THRB: variants seen among roughly 807,000 people sequenced by gnomAD.
THRB encodes the protein nuclear receptor subfamily 1 group A member 2.
A neutral mutation model predicts 47.8 loss-of-function variants in THRB; 12 were observed. The observed-to-expected ratio is 0.25, with a 90% CI of 0.16 to 0.41. THRB has a LOEUF of 0.41. Ranked by LOEUF, THRB falls within the 10% of genes least tolerant of loss-of-function variation. THRB has a pLI of 1.00. For synonymous variants in THRB, 218 were observed against 212.2 expected (o/e 1.03, Z -0.24); for missense variants, 348 against 589.2 (o/e 0.59, Z 4.24).
At chr3:24,275,321 A>G (rs1255253303) in intron 3 of THRB, among the ~76,000 whole-genome samples, 1 of 152,246 alleles carries the variant, frequency 6.6e-6, no homozygotes, top group African/African-American at 2.4e-5. Context: ...TTTATGCAAC[A>G]TTAAAATTGG....
chr3:24,170,842 C>A (rs546086577), intron 5 of THRB, among the ~76,000 whole-genome samples: 4 of 151,706 alleles, frequency 2.6e-5, no homozygotes, highest in Admixed American at 6.6e-5. Context: ...CTCTCTGCAC[C>A]AAAATCCATG....
At chr3:24,396,863 C>T (rs553135469) in intron 1 of THRB, among the ~76,000 whole-genome samples, 57 of 152,164 alleles carry the variant, frequency 3.7e-4, no homozygotes, top group African/African-American at 1.3e-3. Context: ...TTGGATACAA[C>T]GAAAGTGGAA....
At chr3:24,175,041 A>G (rs147421981) in intron 5 of THRB, among the ~76,000 whole-genome samples, 1 of 152,202 alleles carries the variant, frequency 6.6e-6, no homozygotes, top group Non-Finnish European at 1.5e-5. Context: ...GTGGTTTGTC[A>G]TCTGTCCTCT....
chr3:24,134,154 G>A (rs919124703), intron 8 of THRB, among the ~76,000 whole-genome samples: 7 of 152,164 alleles, frequency 4.6e-5, no homozygotes, highest in Non-Finnish European at 7.3e-5. Flanking sequence ...TGCTCAAAGC[G>A]TAGTGCAGCA....
At chr3:24,130,477 G>A (rs2033679719) in intron 9 of THRB, among the ~76,000 whole-genome samples, 1 of 152,142 alleles carries the variant, frequency 6.6e-6, no homozygotes, top group African/African-American at 2.4e-5. Flanking sequence ...GGCATTCAAA[G>A]GGTACCATAT....
intron 1 of THRB, among the ~76,000 whole-genome samples, chr3:24,428,111 T>C (rs984683295): frequency 6.6e-6 from 1 of 151,976 alleles, no homozygotes; most frequent in African/African-American, 2.4e-5. Context: ...ATCAAATCAG[T>C]CCAAAGATAA....
intron 4 of THRB, among the ~76,000 whole-genome samples, chr3:24,193,115 C>T (rs1372523446): frequency 6.6e-6 from 1 of 152,178 alleles, no homozygotes; most frequent in Admixed American, 6.5e-5. Context: ...TTGGTGAGAA[C>T]TGCAAGTTAC....
chr3:24,208,572 A>T (rs2045660994), intron 4 of THRB, among the ~76,000 whole-genome samples: 1 of 152,246 alleles, frequency 6.6e-6, no homozygotes, highest in Non-Finnish European at 1.5e-5. Context: ...GATCTTTGAC[A>T]AACCTGACAA....
chr3:24,322,086 C>A (rs1233212758), intron 2 of THRB, among the ~76,000 whole-genome samples: 1 of 151,780 alleles, frequency 6.6e-6, no homozygotes, highest in African/African-American at 2.4e-5. Flanking sequence ...ATAAGATAAT[C>A]TCTGAAGTCC....
At chr3:24,196,955 A>G (rs1025603293) in intron 4 of THRB, among the ~76,000 whole-genome samples, 2 of 151,980 alleles carry the variant, frequency 1.3e-5, no homozygotes, top group Admixed American at 1.3e-4. Context: ...CACCCTCCAA[A>G]CTTCCATCCC....
At chr3:24,204,365 C>A (rs558578868) in intron 4 of THRB, among the ~76,000 whole-genome samples, 1 of 152,342 alleles carries the variant, frequency 6.6e-6, no homozygotes, top group Non-Finnish European at 1.5e-5. Context: ...TGTTCTGCAG[C>A]CTTCACTGCT....
Position 24,425,223 on chromosome 3 carries a change from C to A in THRB, c.-261+69429G>T, listed in dbSNP as rs551657047. Reference sequence around the variant, plus strand: ...CAAATTGTCCTTAAAAAAAACTGCACCCTTAGCAAGGGATGAGAATGCCAA... The same window carrying A: ...CAAATTGTCCTTAAAAAAAACTGCAACCTTAGCAAGGGATGAGAATGCCAA... On this transcript the variant is annotated intron_variant, in intron 1 of 10. Coordinates refer to ENST00000646209, the MANE Select transcript of THRB (RefSeq NM_001354712.2). Among the ~76,000 whole-genome samples, 207 of 151,950 alleles carry A rather than the reference C, an allele frequency of 1.4e-3. 6 individuals are homozygous for A. In the South Asian group the frequency reaches 0.03, roughly 22 times the overall value.
chr3:24,344,128 C>G (rs1026568265), intron 1 of THRB, among the ~76,000 whole-genome samples: 1 of 151,728 alleles, frequency 6.6e-6, no homozygotes, highest in Non-Finnish European at 1.5e-5. Flanking sequence ...AAAACTTACT[C>G]TATTATACAA....
At chr3:24,245,584 A>G (rs1419290720) in intron 3 of THRB, among the ~76,000 whole-genome samples, 2 of 152,156 alleles carry the variant, frequency 1.3e-5, no homozygotes, top group Non-Finnish European at 2.9e-5. Context: ...CCGCACAGGG[A>G]CCACGCCAAT....
chr3:24,245,399 G>A (rs148887791), intron 3 of THRB, among the ~76,000 whole-genome samples: 18 of 152,248 alleles, frequency 1.2e-4, no homozygotes, highest in Admixed American at 3.3e-4. Flanking sequence ...CTTTCCTTCT[G>A]ACAGATATTG....
At chr3:24,207,653 C>G (rs529930777) in intron 4 of THRB, among the ~76,000 whole-genome samples, 52 of 152,192 alleles carry the variant, frequency 3.4e-4, no homozygotes, top group African/African-American at 1.2e-3. Flanking sequence ...AGTGCAGAAA[C>G]CCCAAAGCCA....
At chr3:24,385,712 C>T (rs2066044144) in intron 1 of THRB, among the ~76,000 whole-genome samples, 1 of 152,110 alleles carries the variant, frequency 6.6e-6, no homozygotes, top group Non-Finnish European at 1.5e-5. Context: ...CAACAAATGA[C>T]TGAGACAACT....
At chr3:24,261,576 T>C (rs1249421553) in intron 3 of THRB, among the ~76,000 whole-genome samples, 1 of 150,898 alleles carries the variant, frequency 6.6e-6, no homozygotes, top group Non-Finnish European at 1.5e-5. Flanking sequence ...ATTTCCCTGC[T>C]CCCCTTTAGA....
intron 3 of THRB, among the ~76,000 whole-genome samples, chr3:24,261,169 C>T: frequency 6.6e-6 from 1 of 151,702 alleles, no homozygotes; most frequent in African/African-American, 2.4e-5. Context: ...ACTTGGCCAT[C>T]CTGTCAACTA....
Sources: allele counts gnomAD v4.1 joint callset (sites outside exome capture counted in the v4.1 genomes callset), GRCh38; gene constraint gnomAD v4.1.1; transcripts MANE v1.5; gene names NCBI Gene and HGNC (gene_info 2026-07-23, HGNC 2026-07-21).